FSHR: variants seen among roughly 807,000 people sequenced by gnomAD.
The protein encoded by FSHR is follicle stimulating hormone receptor, also known as follicle-stimulating hormone receptor.
A neutral mutation model predicts 52.1 loss-of-function variants in FSHR; 46 were observed. The ratio of observed to expected loss-of-function variants is 0.88; its 90% CI spans 0.70 to 1.13. The LOEUF (loss-of-function observed/expected upper bound fraction) is 1.13, where lower values mean the gene tolerates loss of function less well. Among genes scored for constraint, FSHR ranks in the 50% most tolerant of loss-of-function variants. FSHR has a pLI of 0.00. For missense variants in FSHR, 964 were observed against 834.6 expected, an observed-to-expected ratio of 1.16 and a Z score of -1.91; for synonymous variants, 399 against 309.6, an observed-to-expected ratio of 1.29 and a Z score of -3.03.
chr2:49,052,550 T>C (rs1668904755), intron 2 of FSHR, among the ~76,000 whole-genome samples: 1 of 152,204 alleles, frequency 6.6e-6, no homozygotes, highest in Non-Finnish European at 1.5e-5. Flanking sequence ...GTGTGTACAT[T>C]ATTTTTAAAG....
intron 8 of FSHR, among the ~76,000 whole-genome samples, chr2:48,977,784 G>A (rs1262540780): frequency 1.3e-5 from 2 of 152,160 alleles, no homozygotes; most frequent in African/African-American, 2.4e-5. Context: ...CTAAATGTAT[G>A]TCATGTAAGA....
chr2:49,092,130 A>T (rs932698507), intron 1 of FSHR, among the ~76,000 whole-genome samples: 11 of 152,214 alleles, frequency 7.2e-5, no homozygotes, highest in Admixed American at 6.5e-4. Context: ...TTTTTTGAGC[A>T]ACTGTAAGTG....
chr2:49,114,417 A>G (rs1671529189), intron 1 of FSHR, among the ~76,000 whole-genome samples: 1 of 152,178 alleles, frequency 6.6e-6, no homozygotes, highest in Non-Finnish European at 1.5e-5. Flanking sequence ...TCCTTTGTTT[A>G]TAAACCACAG....
intron 1 of FSHR, among the ~76,000 whole-genome samples, chr2:49,090,022 A>C (rs1670542066): frequency 6.6e-6 from 1 of 152,232 alleles, no homozygotes; most frequent in South Asian, 2.1e-4. Flanking sequence ...TATCATGTAC[A>C]GGCATTTTCC....
intron 1 of FSHR, among the ~76,000 whole-genome samples, chr2:49,116,363 C>T (rs756323731): frequency 2.0e-5 from 3 of 152,056 alleles, no homozygotes; most frequent in Admixed American, 6.6e-5. Flanking sequence ...CTGACACTTG[C>T]GTTACTTAGA....
intron 2 of FSHR, among the ~76,000 whole-genome samples, chr2:49,061,751 TA>T (rs1669310138): frequency 8.7e-6 from 1 of 115,582 alleles, no homozygotes; most frequent in Non-Finnish European, 1.8e-5. Flanking sequence ...TATATATAAC[TA>T]TTTATATATA....
chr2:49,119,324 C>T (rs1014458684), intron 1 of FSHR, among the ~76,000 whole-genome samples: 2 of 151,456 alleles, frequency 1.3e-5, no homozygotes, highest in African/African-American at 2.4e-5. Context: ...AAGCAGTGTT[C>T]GATAGGCAAA....
intron 2 of FSHR, among the ~76,000 whole-genome samples, chr2:49,032,780 C>T (rs995122523): frequency 3.3e-5 from 5 of 152,174 alleles, no homozygotes; most frequent in African/African-American, 1.2e-4. Flanking sequence ...CCTTCAAGCA[C>T]GCAATGCAGC....
At chr2:49,136,217 G>A (rs986367522) in intron 1 of FSHR, among the ~76,000 whole-genome samples, 2 of 151,870 alleles carry the variant, frequency 1.3e-5, no homozygotes, top group African/African-American at 2.4e-5. Context: ...AAAAATAAAG[G>A]AATATTTTTA....
intron 1 of FSHR, among the ~76,000 whole-genome samples, chr2:49,076,174 A>T (rs1221533288): frequency 6.6e-6 from 1 of 152,218 alleles, no homozygotes; most frequent in Non-Finnish European, 1.5e-5. Flanking sequence ...ACTATACCAC[A>T]GACTAGTGTA....
At chr2:49,146,790 C>T (rs1017656275) in intron 1 of FSHR, among the ~76,000 whole-genome samples, 1 of 152,024 alleles carries the variant, frequency 6.6e-6, no homozygotes, top group African/African-American at 2.4e-5. Context: ...TCTCAATATC[C>T]TCAATTTGTG....
chr2:49,003,524 C>T (rs1240112077), intron 4 of FSHR, among the ~76,000 whole-genome samples: 1 of 152,116 alleles, frequency 6.6e-6, no homozygotes, highest in Non-Finnish European at 1.5e-5. Flanking sequence ...TTGGGGGCAG[C>T]TGGGACAATT....
chr2:48,994,443 G>T (rs767251587), intron 4 of FSHR, among the ~76,000 whole-genome samples: 7 of 152,040 alleles, frequency 4.6e-5, no homozygotes, highest in Non-Finnish European at 1.0e-4. Context: ...GCAAAAAATG[G>T]CTAAAATTAT....
intron 1 of FSHR, among the ~76,000 whole-genome samples, chr2:49,154,024 T>C (rs1254724494): frequency 1.3e-5 from 2 of 152,272 alleles, no homozygotes; most frequent in African/African-American, 4.8e-5. Context: ...CCCTTTGCCT[T>C]TGGATTCCGG....
intron 2 of FSHR, among the ~76,000 whole-genome samples, chr2:49,021,745 C>G (rs1667708215): frequency 6.7e-6 from 1 of 149,170 alleles, no homozygotes; most frequent in Non-Finnish European, 1.5e-5. Context: ...CCTCTTATTC[C>G]ATAATAACAT....
chr2:49,127,618 C>T lies in FSHR; in HGVS notation c.152+26648G>A, dbSNP rs115413647. Among the ~76,000 whole-genome samples the T allele has an allele frequency of 1.6e-3, 242 of 152,080 alleles. 1 individual carries two copies. The highest frequency in any genetic ancestry group is 5.6e-3 in the African/African-American group (233 of 41,508). On this transcript the variant is annotated intron_variant, in intron 1 of 9. Transcript: ENST00000406846. ...AGGCACAGGTCTACTGACATCCGCA[C>T]GATGAAGCTTTCCTTCTCTGATACA...
intron 1 of FSHR, among the ~76,000 whole-genome samples, chr2:49,135,162 A>C (rs1162031186): frequency 6.6e-6 from 1 of 152,176 alleles, no homozygotes. Flanking sequence ...TAGGAGATAC[A>C]CATTCTTCTT....
chr2:49,079,258 A>T (rs993079306), intron 1 of FSHR, among the ~76,000 whole-genome samples: 2 of 152,198 alleles, frequency 1.3e-5, no homozygotes, highest in Non-Finnish European at 2.9e-5. Flanking sequence ...AAATAAGCAC[A>T]TTTATAAGTG....
At chr2:49,073,081 T>A (rs1669798480) in intron 1 of FSHR, among the ~76,000 whole-genome samples, 2 of 152,076 alleles carry the variant, frequency 1.3e-5, no homozygotes, top group South Asian at 4.1e-4. Flanking sequence ...TATAATAAAG[T>A]TTAGAATATT....
Sources: gnomAD v4.1 joint callset for allele counts (sites outside exome capture counted in the v4.1 genomes callset) on GRCh38, gnomAD v4.1.1 for gene constraint, MANE v1.5 for transcripts, NCBI Gene and HGNC (gene_info 2026-07-23, HGNC 2026-07-21) for gene names.